The following RASGRF2 variants were observed in gnomAD, a reference collection of about 807,000 sequenced individuals.
RASGRF2 encodes ras-specific guanine nucleotide-releasing factor 2.
A neutral mutation model predicts 151.0 loss-of-function variants in RASGRF2; 76 were observed. That is an observed-to-expected ratio of 0.50 (90% confidence interval 0.42 to 0.61). The LOEUF (loss-of-function observed/expected upper bound fraction) is 0.61, where lower values mean the gene tolerates loss of function less well. Among genes scored for constraint, RASGRF2 ranks in the 20% least tolerant of loss-of-function variants. The probability of loss-of-function intolerance (pLI) is 0.00; values close to 1 mark genes in which losing one functional copy is unlikely to be tolerated. For synonymous variants in RASGRF2, 504 were observed against 566.5 expected (o/e 0.89, Z 1.57); for missense variants, 1,148 against 1,564.6 (o/e 0.73, Z 4.49).
chr5:81,163,306 T>C (rs1754430431), intron 17 of RASGRF2, among the ~76,000 whole-genome samples: 1 of 152,126 alleles, frequency 6.6e-6, no homozygotes, highest in South Asian at 2.1e-4. Flanking sequence ...GTGCGATTTC[T>C]AGCTTTTGAG....
intron 18 of RASGRF2, among the ~76,000 whole-genome samples, chr5:81,186,438 A>C (rs1319631471): frequency 1.2e-4 from 19 of 152,224 alleles, no homozygotes; most frequent in Non-Finnish European, 7.3e-5. Flanking sequence ...TTTATCTGTC[A>C]AATGATATTC....
At chr5:81,025,051 C>A (rs1439462535) in intron 1 of RASGRF2, among the ~76,000 whole-genome samples, 1 of 152,176 alleles carries the variant, frequency 6.6e-6, no homozygotes, top group Non-Finnish European at 1.5e-5. Context: ...GGATGCTCCC[C>A]TTTCAAGAAG....
chr5:81,225,941 C>G lies in RASGRF2; in HGVS notation c.*171C>G. On this transcript the variant is annotated 3_prime_UTR_variant, in exon 27 of 27. Coordinates refer to ENST00000265080, the MANE Select transcript of RASGRF2 (RefSeq NM_006909.3). ...CAGAGAGAAACCCAGCTGTTTGGGT[C>G]AAAGACAGATGCTTCAGACTTGGGT... The G allele has an allele frequency of 3.1e-6, 2 of 646,558 alleles. No homozygotes were observed. The highest frequency in any genetic ancestry group is 4.7e-6 in the Non-Finnish European group (2 of 425,886). 40.1% of individuals were successfully genotyped at this position (646,558 alleles called of 1,614,324 possible). A position where few individuals can be genotyped will look rare whatever the true frequency, so the allele number is the denominator to read the frequency against.
At chr5:81,087,213 C>T in intron 9 of RASGRF2, 1 of 703,158 alleles carries the variant, frequency 1.4e-6, no homozygotes, top group South Asian at 1.5e-5. Flanking sequence ...TCCTCAGCGG[C>T]CCGGACATTC....
chr5:81,080,561 C>T, intron 6 of RASGRF2, 35 bp from the exon 7 acceptor site: 1 of 1,580,820 alleles, frequency 6.3e-7, no homozygotes, highest in South Asian at 1.1e-5. Flanking sequence ...TACCAAGCAA[C>T]AAGGGAAACA....
intron 5 of RASGRF2, among the ~76,000 whole-genome samples, chr5:81,079,620 CTT>C (rs1049772326): frequency 7.2e-5 from 11 of 152,090 alleles, no homozygotes; most frequent in Admixed American, 3.9e-4. Context: ...AGGCTTCACT[CTT>C]TTCAGAAGAT....
intron 2 of RASGRF2, among the ~76,000 whole-genome samples, chr5:81,064,660 CTG>C (rs948811502): frequency 1.2e-4 from 18 of 152,120 alleles, no homozygotes; most frequent in Non-Finnish European, 1.5e-5. Flanking sequence ...TACTCTGTGA[CTG>C]TGAATGCTGC....
At chr5:81,027,397 T>TAG (rs1222694916) in intron 1 of RASGRF2, among the ~76,000 whole-genome samples, 1 of 152,236 alleles carries the variant, frequency 6.6e-6, no homozygotes, top group Non-Finnish European at 1.5e-5. Flanking sequence ...AATACTGTTC[T>TAG]AGAATGTCTG....
chr5:81,044,274 C>T (rs528523724), intron 2 of RASGRF2, among the ~76,000 whole-genome samples: 9 of 152,054 alleles, frequency 5.9e-5, no homozygotes, highest in African/African-American at 1.9e-4. Flanking sequence ...AAAAATTAGC[C>T]GGGCATGGTG....
chr5:81,212,712 G>T (rs1755652949), intron 23 of RASGRF2, 149 bp downstream of exon 23: 2 of 709,590 alleles, frequency 2.8e-6, no homozygotes, highest in South Asian at 4.2e-5. Flanking sequence ...TAATTACAGG[G>T]CTCTTACCAC....
intron 19 of RASGRF2, among the ~76,000 whole-genome samples, chr5:81,206,025 C>A (rs774859914): frequency 1.3e-5 from 2 of 152,142 alleles, no homozygotes; most frequent in Non-Finnish European, 2.9e-5. Flanking sequence ...TGAGTATGTG[C>A]TTGTGCCTTC....
rs958826536 is a variant in RASGRF2, at chr5:81,195,762, A to G, written c.2794-5568A>G. Among the ~76,000 whole-genome samples, 7 of 152,262 alleles carry G rather than the reference A, an allele frequency of 4.6e-5. No individual in the cohort carries two copies. The East Asian group carries it at 5.8e-4, about 13-fold the overall frequency. On this transcript the variant is annotated intron_variant, in intron 18 of 26. Coordinates refer to ENST00000265080, the MANE Select transcript of RASGRF2 (RefSeq NM_006909.3). Reference sequence around the variant, plus strand: ...ACCCCTAGTGAGCCCTGTGCACATGACAGTTTGAGAAGGGCAAGTATAAAG... The same window carrying G: ...ACCCCTAGTGAGCCCTGTGCACATGGCAGTTTGAGAAGGGCAAGTATAAAG...
chr5:81,209,435 T>TAAA (rs1413422273), intron 22 of RASGRF2, among the ~76,000 whole-genome samples: 2 of 152,182 alleles, frequency 1.3e-5, no homozygotes, highest in African/African-American at 4.8e-5. Flanking sequence ...ATAACGATTT[T>TAAA]AAAAACAACA....
intron 1 of RASGRF2, among the ~76,000 whole-genome samples, chr5:80,973,880 G>A (rs1748022592): frequency 6.6e-6 from 1 of 152,212 alleles, no homozygotes; most frequent in Non-Finnish European, 1.5e-5. Flanking sequence ...TCGTTCAAGA[G>A]CTACAATGGT....
intron 19 of RASGRF2, among the ~76,000 whole-genome samples, chr5:81,206,066 A>G (rs908866640): frequency 6.6e-6 from 1 of 152,202 alleles, no homozygotes; most frequent in Non-Finnish European, 1.5e-5. Context: ...CCTGGCTCCA[A>G]TGGCAAATTA....
intron 1 of RASGRF2, among the ~76,000 whole-genome samples, chr5:80,977,270 A>G (rs1229035295): frequency 6.6e-6 from 1 of 152,166 alleles, no homozygotes; most frequent in African/African-American, 2.4e-5. Context: ...TATTGAGGCC[A>G]AATTCCCAAG....
intron 17 of RASGRF2, among the ~76,000 whole-genome samples, chr5:81,131,810 A>G: frequency 6.6e-6 from 1 of 152,064 alleles, no homozygotes; most frequent in East Asian, 1.9e-4. Flanking sequence ...TGCCCCTCAA[A>G]ACTCGAGATT....
intron 1 of RASGRF2, among the ~76,000 whole-genome samples, chr5:80,964,903 G>A (rs1324288602): frequency 6.6e-6 from 1 of 152,066 alleles, no homozygotes; most frequent in Non-Finnish European, 1.5e-5. Context: ...TGTTTCAGTG[G>A]CAGTATCTGT....
chr5:81,149,785 C>A (rs1250757327), intron 17 of RASGRF2, among the ~76,000 whole-genome samples: 3 of 152,258 alleles, frequency 2.0e-5, no homozygotes, highest in African/African-American at 7.2e-5. Context: ...ACCCAGTTCA[C>A]CCATTTAAAG....
Sources: gnomAD v4.1 joint callset for allele counts (sites outside exome capture counted in the v4.1 genomes callset) on GRCh38, gnomAD v4.1.1 for gene constraint, MANE v1.5 for transcripts, NCBI Gene and HGNC (gene_info 2026-07-23, HGNC 2026-07-21) for gene names.